The following SLC35F4 variants were observed in gnomAD, a reference collection of about 807,000 sequenced individuals.
SLC35F4 encodes the protein chromosome 14 open reading frame 36.
Under a neutral mutation model 44.2 loss-of-function variants are expected in SLC35F4, and 24 were observed. That is an observed-to-expected ratio of 0.54 (90% CI 0.39 to 0.76). The LOEUF is 0.76. SLC35F4 is among the 30% of genes least tolerant of loss of function. The probability of loss-of-function intolerance (pLI) is 0.00; values close to 1 mark genes in which losing one functional copy is unlikely to be tolerated. For missense variants in SLC35F4, 562 were observed against 586.1 expected (o/e 0.96, Z 0.42); for synonymous variants, 238 against 223.6 (o/e 1.06, Z -0.57).
At chr14:57,677,084 A>G (rs1042571452) in intron 1 of SLC35F4, among the ~76,000 whole-genome samples, 7 of 152,130 alleles carry the variant, frequency 4.6e-5, no homozygotes, top group Admixed American at 2.0e-4. Flanking sequence ...CTTAGCCATA[A>G]AAAGGAGCAA....
Position 57,589,628 on chromosome 14 carries a change from C to A in SLC35F4, c.290-115G>T, listed in dbSNP as rs749221007. ...CCAAAGAGGCAGACAGTAGAATTAC[C>A]AGTGTTTTTCTTTTCTACCATCATT... On this transcript the variant is annotated intron_variant, in intron 2 of 7. Transcript: ENST00000556826. 93 of 1,115,452 alleles carry A rather than the reference C, an allele frequency of 8.3e-5. 1 individual carries two copies. The highest frequency in any genetic ancestry group is 1.1e-4 in the Non-Finnish European group (91 of 808,538). 69.1% of individuals were successfully genotyped at this position (1,115,452 alleles called of 1,614,324 possible).
chr14:57,971,972 G>A (rs1053709483), downstream of SLC35F4, among the ~76,000 whole-genome samples: 29 of 152,358 alleles, frequency 1.9e-4, no homozygotes, highest in African/African-American at 6.5e-4. Flanking sequence ...AACTCAGTTG[G>A]TTAGGGAGGG....
At position 57,865,809 on chromosome 14, in the gene SLC35F4, G is replaced by T. The variant is rs1432888180; in HGVS notation, c.17C>A (p.Ala6Asp). MDVKA[A>D]PNGVATIEDR... ...CTCGATAGTGGCCACCCCGTTGGGG[G>T]CCGCCTTGACATCCATAGAGAGCGC... The change falls in exon 1 of 8, where the codon GCC becomes GAC. Residue 6 changes from alanine to aspartate, a missense_variant. Physicochemically the swap from Ala to Asp is moderately radical, Grantham distance 126 (BLOSUM62 -2). Transcript: ENST00000556826. 4 of 1,519,166 alleles carry T rather than the reference G, an allele frequency of 2.6e-6. No homozygotes were observed. The highest frequency in any genetic ancestry group is 3.5e-6 in the Non-Finnish European group (4 of 1,139,998). The allele number at this position is 1,519,166 out of a possible 1,614,324, so 94.1% of individuals were successfully genotyped here.
Position 57,571,922 on chromosome 14 carries a change from C to T in SLC35F4, c.905G>A (p.Gly302Asp). ...DSIIGVAFAV[G>D]SASTSALYKV... Reference sequence around the variant, plus strand: ...ATATAATGCAGATGTAGAGGCTGAGCCCACCGCAAATGCCACTCCTATGAT... The same window carrying T: ...ATATAATGCAGATGTAGAGGCTGAGTCCACCGCAAATGCCACTCCTATGAT... Residue 302 changes from glycine to aspartate, a missense_variant, in exon 5 of 8, where the codon GGC becomes GAC. Physicochemically the swap from Gly to Asp is moderately conservative, Grantham distance 94. Transcript: ENST00000556826. The T allele has an allele frequency of 6.2e-7, 1 of 1,612,432 alleles. No individual in the cohort carries two copies. Among genetic ancestry groups the T allele is most frequent in the Non-Finnish European group, 8.5e-7 (1 of 1,179,204 alleles).
intron 1 of SLC35F4, among the ~76,000 whole-genome samples, chr14:57,945,492 T>TGTGC (rs71104595): frequency 1.4e-5 from 2 of 143,468 alleles, no homozygotes; most frequent in African/African-American, 5.2e-5. Flanking sequence ...TGTGTGTGTG[T>TGTGC]ATCACATTTT....
At chr14:57,638,038 A>G (rs965142589) in intron 1 of SLC35F4, among the ~76,000 whole-genome samples, 1 of 152,148 alleles carries the variant, frequency 6.6e-6, no homozygotes, top group African/African-American at 2.4e-5. Context: ...GCAGGAGTTA[A>G]GCCACCCTCC....
chr14:57,608,804 G>T (rs971274762), intron 1 of SLC35F4, among the ~76,000 whole-genome samples: 4 of 139,362 alleles, frequency 2.9e-5, no homozygotes, highest in African/African-American at 1.2e-4. Context: ...GGGCGGCGGG[G>T]GGAGAGAAAC....
chr14:57,675,816 T>G (rs1156625186), intron 1 of SLC35F4, among the ~76,000 whole-genome samples: 3 of 152,080 alleles, frequency 2.0e-5, no homozygotes, highest in Non-Finnish European at 1.5e-5. Flanking sequence ...TATGTCACAT[T>G]TATTGACTTG....
intron 1 of SLC35F4, among the ~76,000 whole-genome samples, chr14:57,850,483 G>C (rs1455371297): frequency 6.6e-6 from 1 of 152,120 alleles, no homozygotes; most frequent in Non-Finnish European, 1.5e-5. Flanking sequence ...TGGAAACCAT[G>C]ATTGAAATCT....
rs139128746 is a variant in SLC35F4, at chr14:57,600,051, G to A, written c.104-5927C>T. 1.6e-3 allele frequency among the ~76,000 whole-genome samples: 241 copies of A among 152,190 alleles called. 1 individual carries two copies. Among genetic ancestry groups the A allele is most frequent in the African/African-American group, 5.3e-3 (221 of 41,536 alleles). ...GAAAAAAGTGGAAAGAGGATCTGGA[G>A]GAGTAAAGAAAAGACATCCAATATT... On this transcript the variant is annotated intron_variant, in intron 1 of 7. Transcript: ENST00000556826.
chr14:57,810,794 G>C (rs1881876962), intron 1 of SLC35F4, among the ~76,000 whole-genome samples: 1 of 152,292 alleles, frequency 6.6e-6, no homozygotes, highest in Middle Eastern at 3.4e-3. Context: ...AAAGAAAAAG[G>C]CTCATTCTAC....
chr14:57,608,101 T>C (rs2071271773), intron 1 of SLC35F4, among the ~76,000 whole-genome samples: 1 of 152,232 alleles, frequency 6.6e-6, no homozygotes, highest in African/African-American at 2.4e-5. Flanking sequence ...CACACAGATC[T>C]AGAGTTCAGA....
intron 1 of SLC35F4, among the ~76,000 whole-genome samples, chr14:57,858,357 A>T (rs1388092170): frequency 6.6e-6 from 1 of 152,076 alleles, no homozygotes. Context: ...GCCATCAAAA[A>T]GGATGAGTTC....
intron 1 of SLC35F4, among the ~76,000 whole-genome samples, chr14:57,918,027 C>A (rs1254335462): frequency 1.3e-5 from 2 of 152,118 alleles, no homozygotes; most frequent in African/African-American, 2.4e-5. Context: ...GTTTTTCTTT[C>A]CCCAGCAAGA....
chr14:57,891,841 A>C (rs1429017833), intron 1 of SLC35F4, among the ~76,000 whole-genome samples: 2 of 152,176 alleles, frequency 1.3e-5, no homozygotes, highest in African/African-American at 2.4e-5. Context: ...ATGCCACTGC[A>C]CTCCAGCCTG....
intron 1 of SLC35F4, among the ~76,000 whole-genome samples, chr14:57,927,839 G>A (rs954692719): frequency 2.0e-5 from 3 of 152,052 alleles, no homozygotes; most frequent in African/African-American, 7.2e-5. Context: ...CAGAACAAAA[G>A]TCTTTAAATT....
At position 57,572,885 on chromosome 14, in the gene SLC35F4, A is replaced by G. The variant is rs75947652; in HGVS notation, c.808-866T>C. 1.6e-3 allele frequency among the ~76,000 whole-genome samples: 243 copies of G among 152,350 alleles called. 1 individual carries two copies. The highest frequency in any genetic ancestry group is 5.7e-3 in the African/African-American group (236 of 41,588). On this transcript the variant is annotated intron_variant, in intron 4 of 7. Coordinates refer to ENST00000556826, the MANE Select transcript of SLC35F4 (RefSeq NM_001306087.2). ...GCAGTTCAGAGCTATAGCAAACAGTAAAATGATGCTGGAACAGGTGACAAT... is the reference window on the plus strand; with the variant it reads ...GCAGTTCAGAGCTATAGCAAACAGTGAAATGATGCTGGAACAGGTGACAAT...
At chr14:57,713,660 C>T (rs1375915425) in intron 1 of SLC35F4, among the ~76,000 whole-genome samples, 1 of 152,138 alleles carries the variant, frequency 6.6e-6, no homozygotes, top group East Asian at 1.9e-4. Context: ...TTGCAGAATA[C>T]AAGAAGGGTA....
chr14:57,766,630 T>C (rs78709954), intron 1 of SLC35F4, among the ~76,000 whole-genome samples: 1 of 152,310 alleles, frequency 6.6e-6, no homozygotes, highest in African/African-American at 2.4e-5. Flanking sequence ...TTGAGCACTA[T>C]ACATTGGGTA....
Sources: gnomAD v4.1 joint callset for allele counts (sites outside exome capture counted in the v4.1 genomes callset) on GRCh38, gnomAD v4.1.1 for gene constraint, MANE v1.5 for transcripts, NCBI Gene and HGNC (gene_info 2026-07-23, HGNC 2026-07-21) for gene names.